ANXA4: variants seen among roughly 807,000 people sequenced by gnomAD.
The protein encoded by ANXA4 is annexin A4, also known as 35-beta calcimedin.
ANXA4 carries 39 observed loss-of-function variants against 49.8 expected under a neutral mutation model. That is an observed-to-expected ratio of 0.78 (90% CI 0.61 to 1.02). The LOEUF is 1.02. Among genes scored for constraint, ANXA4 ranks in the 50% least tolerant of loss-of-function variants. The pLI is 0.00. For missense variants in ANXA4, 360 were observed against 410.1 expected (o/e 0.88, Z 1.05); for synonymous variants, 134 against 152.5 (o/e 0.88, Z 0.89).
At chr2:69,687,043 G>A (rs570254724) in intron 2 of ANXA4, among the ~76,000 whole-genome samples, 7 of 152,354 alleles carry the variant, frequency 4.6e-5, no homozygotes, top group African/African-American at 9.6e-5. Context: ...GGAGAGGAGC[G>A]GCGCTGTGCA....
At chr2:69,816,481 C>G (rs930632796) in intron 9 of ANXA4, 2 of 289,040 alleles carry the variant, frequency 6.9e-6, no homozygotes, top group Admixed American at 4.6e-5. Flanking sequence ...TCTAAAGTAG[C>G]CCCAGTATTT....
At chr2:69,673,377 A>G (rs1677264663) in intron 2 of ANXA4, among the ~76,000 whole-genome samples, 2 of 152,072 alleles carry the variant, frequency 1.3e-5, no homozygotes, top group Middle Eastern at 3.2e-3. Flanking sequence ...AAGCTGGACC[A>G]TCATTCTCAG....
chr2:69,772,185 T>C (rs1050594182), intron 1 of ANXA4, among the ~76,000 whole-genome samples: 6 of 152,356 alleles, frequency 3.9e-5, no homozygotes, highest in African/African-American at 1.4e-4. Flanking sequence ...ATTTTACAGA[T>C]GTAAAAACTG....
intron 1 of ANXA4, among the ~76,000 whole-genome samples, chr2:69,776,946 T>C (rs2103634878): frequency 6.6e-6 from 1 of 152,290 alleles, no homozygotes; most frequent in South Asian, 2.1e-4. Context: ...TCTGATGGAA[T>C]GGCTAGAAAT....
intron 1 of ANXA4, among the ~76,000 whole-genome samples, chr2:69,742,483 T>C (rs2105469476): frequency 6.6e-6 from 1 of 152,366 alleles, no homozygotes; most frequent in South Asian, 2.1e-4. Flanking sequence ...TCAGTCCATG[T>C]GCTAGGCTTT....
At chr2:69,724,007 C>G (rs914571939) in intron 3 of ANXA4, among the ~76,000 whole-genome samples, 1 of 152,262 alleles carries the variant, frequency 6.6e-6, no homozygotes, top group Non-Finnish European at 1.5e-5. Context: ...GTAATCCCAG[C>G]TCCTCGGTGG....
chr2:69,699,183 G>T (rs1678255031), intron 2 of ANXA4, among the ~76,000 whole-genome samples: 2 of 152,136 alleles, frequency 1.3e-5, no homozygotes, highest in South Asian at 4.1e-4. Context: ...AGGAGGACCT[G>T]GGCCTAGAGC....
chr2:69,736,704 C>T (rs1271235257), intron 3 of ANXA4, among the ~76,000 whole-genome samples: 7 of 152,140 alleles, frequency 4.6e-5, no homozygotes, highest in African/African-American at 7.2e-5. Flanking sequence ...TGAAATTGTA[C>T]GTGTCTGGAA....
At chr2:69,720,376 A>G (rs1015644716) in intron 2 of ANXA4, among the ~76,000 whole-genome samples, 1 of 152,210 alleles carries the variant, frequency 6.6e-6, no homozygotes, top group Non-Finnish European at 1.5e-5. Context: ...TCAAAGGCTC[A>G]TAGGTGAAAG....
chr2:69,666,661 AG>A (rs1421407092), intron 2 of ANXA4, among the ~76,000 whole-genome samples: 2 of 152,266 alleles, frequency 1.3e-5, no homozygotes, highest in East Asian at 3.8e-4. Context: ...ACAATGAAAA[AG>A]AATTAAGTAC....
chr2:69,714,554 A>T (rs1042413256), intron 2 of ANXA4, among the ~76,000 whole-genome samples: 1 of 152,170 alleles, frequency 6.6e-6, no homozygotes, highest in Non-Finnish European at 1.5e-5. Flanking sequence ...ATCAAACCTC[A>T]GTGCTTTATT....
At chr2:69,690,735 T>C (rs531491964) in intron 2 of ANXA4, among the ~76,000 whole-genome samples, 1 of 152,356 alleles carries the variant, frequency 6.6e-6, no homozygotes, top group South Asian at 2.1e-4. Context: ...GAGGAGTTCA[T>C]TTAAAGGTAA....
intron 1 of ANXA4, among the ~76,000 whole-genome samples, chr2:69,651,822 G>GC (rs1676253537): frequency 1.5e-5 from 1 of 65,998 alleles, no homozygotes; most frequent in African/African-American, 7.4e-5. Flanking sequence ...TTTTTTGGGG[G>GC]GGGGGGGCGG....
chr2:69,820,552 G>C, intron 11 of ANXA4, 147 bp from the exon 12 acceptor site: 1 of 842,552 alleles, frequency 1.2e-6, no homozygotes, highest in Non-Finnish European at 1.8e-6. Flanking sequence ...CCATGATAAA[G>C]AGTGAGGATA....
intron 4 of ANXA4, among the ~76,000 whole-genome samples, chr2:69,805,652 C>T (rs1343234736): frequency 2.0e-5 from 3 of 151,672 alleles, no homozygotes; most frequent in Non-Finnish European, 4.4e-5. Flanking sequence ...ATAGAAATCT[C>T]CACAGCTGCT....
intron 11 of ANXA4, among the ~76,000 whole-genome samples, 159 bp downstream of exon 11, chr2:69,819,497 A>G (rs1674140734): frequency 6.6e-6 from 1 of 152,186 alleles, no homozygotes; most frequent in South Asian, 2.1e-4. Context: ...ACTAGGTGAT[A>G]TTTACTGAGT....
intron 1 of ANXA4, among the ~76,000 whole-genome samples, chr2:69,747,764 T>A (rs1191092943): frequency 1.3e-5 from 2 of 152,238 alleles, no homozygotes; most frequent in Non-Finnish European, 2.9e-5. Flanking sequence ...TAGCTCACCG[T>A]ACCCACAAAC....
chr2:69,818,769 T>C (rs983917972), intron 10 of ANXA4, 75 bp downstream of exon 10: 6 of 901,354 alleles, frequency 6.7e-6, no homozygotes, highest in Non-Finnish European at 1.0e-5. Flanking sequence ...AATATGGGGA[T>C]ATAGAATTAT....
At chr2:69,811,699 A>G (rs1456470292) in intron 7 of ANXA4, among the ~76,000 whole-genome samples, 1 of 152,142 alleles carries the variant, frequency 6.6e-6, no homozygotes, top group East Asian at 1.9e-4. Flanking sequence ...TTCCCTTCAA[A>G]CCAGCTCTTC....
Sources: allele counts gnomAD v4.1 joint callset (sites outside exome capture counted in the v4.1 genomes callset), GRCh38; gene constraint gnomAD v4.1.1; transcripts MANE v1.5; gene names NCBI Gene and HGNC (gene_info 2026-07-23, HGNC 2026-07-21).